Variants in FOXP1 observed in about 807,000 individuals in gnomAD.
The protein encoded by FOXP1 is forkhead box protein P1.
Under a neutral mutation model 98.2 loss-of-function variants are expected in FOXP1, and 15 were observed. The observed-to-expected ratio is 0.15, with a 90% CI of 0.10 to 0.24. FOXP1 has a LOEUF of 0.24. Among genes scored for constraint, FOXP1 ranks in the 10% least tolerant of loss-of-function variants. The pLI is 1.00. For synonymous variants in FOXP1, 371 were observed against 314.5 expected (o/e 1.18, Z -1.90); for missense variants, 633 against 848.5 (o/e 0.75, Z 3.15).
At chr3:71,266,728 C>A (rs1450499362) in intron 5 of FOXP1, among the ~76,000 whole-genome samples, 1 of 152,166 alleles carries the variant, frequency 6.6e-6, no homozygotes, top group Non-Finnish European at 1.5e-5. Flanking sequence ...CCCTCACCTT[C>A]CCCCTTTTTG....
chr3:71,501,654 G>A (rs1048272727), intron 2 of FOXP1, among the ~76,000 whole-genome samples: 3 of 152,024 alleles, frequency 2.0e-5, no homozygotes, highest in Non-Finnish European at 4.4e-5. Flanking sequence ...CATTGCATGG[G>A]TACAAAAAAA....
chr3:71,361,022 T>C (rs947028506), intron 3 of FOXP1, among the ~76,000 whole-genome samples: 6 of 152,230 alleles, frequency 3.9e-5, no homozygotes, highest in Non-Finnish European at 2.9e-5. Context: ...CTAGTGTGCA[T>C]AAACTCTTTG....
chr3:71,433,102 A>T (rs1042554418), intron 3 of FOXP1, among the ~76,000 whole-genome samples: 1 of 152,158 alleles, frequency 6.6e-6, no homozygotes, highest in Admixed American at 6.6e-5. Context: ...TGGGCAAATT[A>T]GTGATGATGG....
At position 71,583,699 on chromosome 3, in the gene FOXP1, C is replaced by T; in HGVS notation, c.-575G>A. 2 of 985,014 alleles carry T rather than the reference C, an allele frequency of 2.0e-6. No individual in the cohort carries two copies. The highest frequency in any genetic ancestry group is 4.7e-5 in the South Asian group (1 of 21,318). The allele number at this position is 985,014 out of a possible 1,614,324, so 61.0% of individuals were successfully genotyped here. ...GCACACACGCGCGCACACACGCACT[C>T]CCGGGCGAGGGCCGGGCCGCCGCGA... On this transcript the variant is annotated 5_prime_UTR_variant, in exon 1 of 21. Transcript: ENST00000649528.
chr3:71,213,501 T>A (rs925340460), intron 5 of FOXP1, among the ~76,000 whole-genome samples: 1 of 152,208 alleles, frequency 6.6e-6, no homozygotes, highest in Non-Finnish European at 1.5e-5. Context: ...CCTTCAATTT[T>A]TACCACCACA....
At chr3:71,398,159 T>C (rs1230380370) in intron 3 of FOXP1, among the ~76,000 whole-genome samples, 1 of 152,252 alleles carries the variant, frequency 6.6e-6, no homozygotes, top group Non-Finnish European at 1.5e-5. Context: ...TGTGTGCAAA[T>C]AATGCTAAAA....
At chr3:71,220,193 C>T (rs2065252425) in intron 5 of FOXP1, among the ~76,000 whole-genome samples, 1 of 152,086 alleles carries the variant, frequency 6.6e-6, no homozygotes, top group African/African-American at 2.4e-5. Context: ...AACAGGATAC[C>T]AGGCAGTTTG....
chr3:71,119,957 T>A (rs1228025481), intron 6 of FOXP1, among the ~76,000 whole-genome samples: 1 of 152,236 alleles, frequency 6.6e-6, no homozygotes, highest in Non-Finnish European at 1.5e-5. Flanking sequence ...GAAAAGTAAG[T>A]TAATCTCATG....
At chr3:71,012,106 C>A (rs2043738376) in intron 12 of FOXP1, among the ~76,000 whole-genome samples, 1 of 152,122 alleles carries the variant, frequency 6.6e-6, no homozygotes, top group African/African-American at 2.4e-5. Context: ...GACTCTGAAA[C>A]TGATATATGT....
Position 71,106,118 on chromosome 3 carries a change from C to A in FOXP1, c.282+6418G>T, listed in dbSNP as rs145736241. Reference sequence around the variant, plus strand: ...AGTCAGTTAATCTCTCTGTTTCCATCTTCCTCATCCATTAAATGATTTAAG... The same window carrying A: ...AGTCAGTTAATCTCTCTGTTTCCATATTCCTCATCCATTAAATGATTTAAG... On this transcript the variant is annotated intron_variant, in intron 7 of 20. Coordinates refer to ENST00000649528, the MANE Select transcript of FOXP1 (RefSeq NM_001349338.3). Among the ~76,000 whole-genome samples, 22 of 152,294 alleles carry A rather than the reference C, an allele frequency of 1.4e-4. 1 individual carries two copies. Among genetic ancestry groups the A allele is most frequent in the Admixed American group, 3.9e-4 (6 of 15,300 alleles).
intron 20 of FOXP1, among the ~76,000 whole-genome samples, chr3:70,965,154 C>T (rs192859576): frequency 3.9e-5 from 6 of 152,312 alleles, no homozygotes; most frequent in Admixed American, 2.6e-4. Context: ...GTGGTTTCTT[C>T]GCTCTGTTTG....
chr3:71,048,281 A>C (rs991855482), intron 9 of FOXP1, among the ~76,000 whole-genome samples: 2 of 152,334 alleles, frequency 1.3e-5, no homozygotes, highest in Non-Finnish European at 2.9e-5. Flanking sequence ...GCTAATAACT[A>C]TACTTTACAA....
chr3:71,135,439 C>A (rs1375675961), intron 6 of FOXP1, among the ~76,000 whole-genome samples: 1 of 152,048 alleles, frequency 6.6e-6, no homozygotes. Context: ...AGGCCCCTAC[C>A]CCCTACTCCC....
At chr3:71,320,671 T>A (rs772006938) in intron 4 of FOXP1, among the ~76,000 whole-genome samples, 2 of 152,150 alleles carry the variant, frequency 1.3e-5, no homozygotes, top group Non-Finnish European at 2.9e-5. Context: ...TCTATCCCAG[T>A]CTACAAAAGG....
rs114826667 is a variant in FOXP1 at position 71,116,413 on chromosome 3, C to A, written c.181-3776G>T. Among the ~76,000 whole-genome samples, 649 of 152,206 alleles carry A rather than the reference C, an allele frequency of 4.3e-3. 7 individuals carry two copies. The highest frequency in any genetic ancestry group is 0.015 in the African/African-American group (617 of 41,512). ...CAGCCGACCTACTGAACAGAGAACA[C>A]CACGAGATAAAGATGTGCAAACTGA... On this transcript the variant is annotated intron_variant, in intron 6 of 20. Transcript: ENST00000649528.
chr3:71,230,622 C>A (rs1043695715), intron 5 of FOXP1, among the ~76,000 whole-genome samples: 1 of 152,152 alleles, frequency 6.6e-6, no homozygotes, highest in Non-Finnish European at 1.5e-5. Flanking sequence ...CATCTAAAGT[C>A]TGCTAAGCCA....
chr3:71,251,453 G>A (rs1278239041), intron 5 of FOXP1, among the ~76,000 whole-genome samples: 1 of 152,204 alleles, frequency 6.6e-6, no homozygotes, highest in East Asian at 1.9e-4. Context: ...GTAACAAAGT[G>A]ACTGTAAAAC....
At chr3:71,152,562 C>A (rs1374311021) in intron 6 of FOXP1, among the ~76,000 whole-genome samples, 1 of 152,156 alleles carries the variant, frequency 6.6e-6, no homozygotes. Context: ...AGGCCCCCAG[C>A]GTGTGGGGGA....
intron 7 of FOXP1, among the ~76,000 whole-genome samples, chr3:71,103,182 TTGAATGAATGAATGCATGCATGTA>T (rs2057120787): frequency 6.6e-6 from 1 of 152,078 alleles, no homozygotes; most frequent in Non-Finnish European, 1.5e-5. Context: ...TGAGTAAAGT[TTGAATGAATGAATGCATGCATGTA>T]TGAATGAATG....
Sources: gnomAD v4.1 joint callset for allele counts (sites outside exome capture counted in the v4.1 genomes callset) on GRCh38, gnomAD v4.1.1 for gene constraint, MANE v1.5 for transcripts, NCBI Gene and HGNC (gene_info 2026-07-23, HGNC 2026-07-21) for gene names.